Variants in HMCN1 observed in about 807,000 individuals in gnomAD.
HMCN1 encodes hemicentin 1.
In HMCN1, 321 loss-of-function variants were observed where a neutral mutation model predicts 625.9. That is an observed-to-expected ratio of 0.51 (90% confidence interval 0.47 to 0.56). The LOEUF is 0.56. Ranked by LOEUF, HMCN1 falls within the 20% of genes least tolerant of loss-of-function variation. HMCN1 has a pLI of 0.00. For missense variants in HMCN1, 6,588 were observed against 6,887.3 expected, an observed-to-expected ratio of 0.96 and a Z score of 1.54; for synonymous variants, 2,425 against 2,417.6, an observed-to-expected ratio of 1.00 and a Z score of -0.09.
intron 22 of HMCN1, 70 bp downstream of exon 22, chr1:185,990,513 A>G (rs1652353904): frequency 7.5e-7 from 1 of 1,333,504 alleles, no homozygotes; most frequent in East Asian, 2.3e-5. Flanking sequence ...GGCCATGCCT[A>G]TTCAGGTTAT....
At chr1:186,110,010 C>T (rs1166628833) in intron 71 of HMCN1, among the ~76,000 whole-genome samples, 1 of 152,018 alleles carries the variant, frequency 6.6e-6, no homozygotes, top group South Asian at 2.1e-4. Flanking sequence ...CAAGTGATGT[C>T]AATCCTAGGA....
chr1:185,806,155 A>G (rs1234079778), intron 1 of HMCN1, among the ~76,000 whole-genome samples: 1 of 152,092 alleles, frequency 6.6e-6, no homozygotes, highest in African/African-American at 2.4e-5. Context: ...TTATTAACTC[A>G]TTTAAATAAC....
At chr1:185,827,653 A>G (rs1288254751) in intron 1 of HMCN1, among the ~76,000 whole-genome samples, 2 of 152,180 alleles carry the variant, frequency 1.3e-5, no homozygotes, top group Admixed American at 6.5e-5. Flanking sequence ...AAGTATGCAC[A>G]TTTTTGGAGT....
chr1:185,858,291 C>T (rs1158098865), intron 2 of HMCN1, among the ~76,000 whole-genome samples: 1 of 151,860 alleles, frequency 6.6e-6, no homozygotes, highest in Non-Finnish European at 1.5e-5. Context: ...ATCAAGAAGA[C>T]CTTCTATAGA....
At chr1:186,128,385 A>ATCAATTCTTGTTACTTTT in intron 83 of HMCN1, 94 bp downstream of exon 83, 2 of 1,012,226 alleles carry the variant, frequency 2.0e-6, no homozygotes, top group Admixed American at 1.8e-5. Flanking sequence ...TTGAAAAGTA[A>ATCAATTCTTGTTACTTTT]CAAGAATTGA....
chr1:185,775,821 C>T (rs1225935237), intron 1 of HMCN1, among the ~76,000 whole-genome samples: 1 of 152,146 alleles, frequency 6.6e-6, no homozygotes, highest in Non-Finnish European at 1.5e-5. Context: ...GGGGCTTATT[C>T]ATTGGGGGAG....
At position 185,864,439 on chromosome 1, in the gene HMCN1, A is replaced by G. The variant is rs773234600; in HGVS notation, c.340-31A>G. ...AAATATTCAATTGTTTTTGATGATG[A>G]CGTAATTGAATTTTTCTCTCCACTC... On this transcript the variant is annotated intron_variant, in intron 2 of 106. Transcript: ENST00000271588. The G allele has an allele frequency of 2.5e-6, 4 of 1,608,944 alleles. No individual in the cohort carries two copies. In the South Asian group the frequency reaches 3.3e-5, roughly 13 times the overall value.
chr1:185,969,239 G>C (rs917725743), intron 14 of HMCN1, among the ~76,000 whole-genome samples: 1 of 152,174 alleles, frequency 6.6e-6, no homozygotes, highest in Non-Finnish European at 1.5e-5. Flanking sequence ...CACAGCTTTA[G>C]TTACTGCTCT....
At chr1:185,923,888 A>AGT (rs1463736855) in intron 8 of HMCN1, among the ~76,000 whole-genome samples, 1 of 152,218 alleles carries the variant, frequency 6.6e-6, no homozygotes, top group Non-Finnish European at 1.5e-5. Context: ...TTGATTAGTC[A>AGT]GTGTAAGAGC....
chr1:185,826,714 C>T (rs970318658), intron 1 of HMCN1, among the ~76,000 whole-genome samples: 2 of 152,108 alleles, frequency 1.3e-5, no homozygotes, highest in Non-Finnish European at 2.9e-5. Flanking sequence ...AGAAAACCAT[C>T]TCAACTACCA....
chr1:186,097,469 A>G (rs1236335628), intron 68 of HMCN1, among the ~76,000 whole-genome samples: 3 of 151,580 alleles, frequency 2.0e-5, no homozygotes, highest in Non-Finnish European at 4.4e-5. Context: ...TCTGGAACCA[A>G]TCCTCTGCAG....
intron 82 of HMCN1, among the ~76,000 whole-genome samples, chr1:186,127,186 G>A (rs1192724292): frequency 6.6e-6 from 1 of 152,106 alleles, no homozygotes; most frequent in Non-Finnish European, 1.5e-5. Flanking sequence ...GGGGCCATTG[G>A]AAGGAATCGG....
At chr1:185,780,762 G>A (rs1657023569) in intron 1 of HMCN1, among the ~76,000 whole-genome samples, 1 of 152,172 alleles carries the variant, frequency 6.6e-6, no homozygotes, top group Non-Finnish European at 1.5e-5. Context: ...GTATTTTATT[G>A]AGGATTTTTG....
Position 186,062,575 on chromosome 1 carries a change from T to G in HMCN1, c.7488T>G (p.Ser2496Arg), listed in dbSNP as rs140163818. The G allele has an allele frequency of 1.2e-5, 19 of 1,612,328 alleles. No homozygotes were observed. In the South Asian group the frequency reaches 1.6e-4, roughly 14 times the overall value. The change falls in exon 48 of 107, where the codon AGT becomes AGG. Residue 2496 changes from serine to arginine, a missense_variant. By Grantham distance (110) the Ser-to-Arg change is moderately radical. Transcript: ENST00000271588. Reference protein sequence around the residue: ...LEDVKVKEKQSVTLTCEVTGN... With the variant: ...LEDVKVKEKQRVTLTCEVTGN... ...ATGTGAAGGTAAAAGAGAAACAGAG[T>G]GTTACGCTGACTTGTGAAGTGACAG...
At chr1:186,067,554 A>T (rs1049968470) in intron 49 of HMCN1, among the ~76,000 whole-genome samples, 1 of 152,140 alleles carries the variant, frequency 6.6e-6, no homozygotes, top group Non-Finnish European at 1.5e-5. Flanking sequence ...CTCATTTCCA[A>T]AAAACCTCCA....
intron 6 of HMCN1, among the ~76,000 whole-genome samples, chr1:185,917,531 A>G (rs145342265): frequency 6.6e-6 from 1 of 152,328 alleles, no homozygotes; most frequent in African/African-American, 2.4e-5. Flanking sequence ...TAATGCATCT[A>G]GAAACATTTA....
intron 15 of HMCN1, among the ~76,000 whole-genome samples, chr1:185,977,144 TCTGA>T (rs1272762147): frequency 2.6e-5 from 4 of 152,146 alleles, no homozygotes; most frequent in South Asian, 2.1e-4. Context: ...ATTTCTTAAT[TCTGA>T]CTAAGATATT....
chr1:185,770,114 C>T (rs1557954036), intron 1 of HMCN1, among the ~76,000 whole-genome samples: 1 of 152,112 alleles, frequency 6.6e-6, no homozygotes, highest in African/African-American at 2.4e-5. Flanking sequence ...AGTTCTAGTA[C>T]ATTTTATAAT....
rs1355311346 is a variant in HMCN1 at position 186,037,994 on chromosome 1, C to A, written c.5810C>A (p.Pro1937His). 2 of 1,613,034 alleles carry A rather than the reference C, an allele frequency of 1.2e-6. No individual in the cohort carries two copies. The highest frequency in any genetic ancestry group is 2.2e-5 in the South Asian group (2 of 91,060). The change falls in exon 37 of 107, where the codon CCT becomes CAT. Residue 1937 changes from proline (P) to histidine (H), a missense_variant. Around this residue, in one of 3 missense-constraint regions of HMCN1, gnomAD observed 4,628 missense variants for 4,853.1 expected, o/e 0.95. Coordinates refer to ENST00000271588, the MANE Select transcript of HMCN1 (RefSeq NM_031935.3). ...AATGAGACTGTGTTGGTGAGCAACC[C>A]TGTACAGCTGGAGTGTAAGGCAGCT... ...MLNETVLVSN[P>H]VQLECKAAGN...
Sources: gnomAD v4.1 joint callset for allele counts (sites outside exome capture counted in the v4.1 genomes callset) on GRCh38, gnomAD v4.1.1 for gene constraint, gnomAD v4.1.1 regional missense constraint, MANE v1.5 for transcripts, NCBI Gene and HGNC (gene_info 2026-07-23, HGNC 2026-07-21) for gene names.